Variants in TENM3 observed in about 807,000 individuals in gnomAD.
The protein encoded by TENM3 is teneurin transmembrane protein 3, also known as teneurin-3.
A neutral mutation model predicts 255.1 loss-of-function variants in TENM3; 63 were observed. The ratio of observed to expected loss-of-function variants is 0.25; its 90% confidence interval spans 0.20 to 0.30. The LOEUF is 0.30. Ranked by LOEUF, TENM3 falls within the 10% of genes least tolerant of loss-of-function variation. The probability of loss-of-function intolerance (pLI) is 1.00; values close to 1 mark genes in which losing one functional copy is unlikely to be tolerated. For missense variants in TENM3, 2,929 were observed against 3,461.1 expected (o/e 0.85, Z 3.86); for synonymous variants, 1,306 against 1,322.3 (o/e 0.99, Z 0.27).
the TENM3 span, among the ~76,000 whole-genome samples, chr4:182,077,988 GC>G: frequency 6.6e-6 from 1 of 152,082 alleles, no homozygotes; most frequent in African/African-American, 2.4e-5. Context: ...ATTACAACAA[GC>G]AAAAACTGGT....
At chr4:181,458,505 T>G in the TENM3 span, among the ~76,000 whole-genome samples, 16,020 of 151,886 alleles carry the variant, frequency 0.11, 886 homozygotes, top group Middle Eastern at 0.2. Context: ...AAACAAGAGA[T>G]GCGTGCGTAG....
the TENM3 span, among the ~76,000 whole-genome samples, chr4:181,998,049 C>T: frequency 6.6e-6 from 1 of 152,192 alleles, no homozygotes; most frequent in African/African-American, 2.4e-5. Flanking sequence ...CACAACAGTT[C>T]TGTGTGCGAT....
intron 12 of TENM3, among the ~76,000 whole-genome samples, chr4:182,692,954 T>G (rs1757119553): frequency 6.6e-6 from 1 of 152,166 alleles, no homozygotes; most frequent in South Asian, 2.1e-4. Context: ...TTCTAGGATT[T>G]TTTCGCTGTT....
chr4:182,378,483 A>G (rs961638854), intron 3 of TENM3, among the ~76,000 whole-genome samples: 2 of 152,210 alleles, frequency 1.3e-5, no homozygotes, highest in Non-Finnish European at 2.9e-5. Context: ...ATCTCTGAAA[A>G]AGTGACAGGT....
the TENM3 span, among the ~76,000 whole-genome samples, chr4:181,577,058 T>C: frequency 8.6e-6 from 1 of 116,654 alleles, no homozygotes; most frequent in Admixed American, 1.1e-4. Context: ...AATAATAAAT[T>C]ATATATTATA....
chr4:182,033,000 A>T, the TENM3 span, among the ~76,000 whole-genome samples: 3 of 123,564 alleles, frequency 2.4e-5, no homozygotes, highest in African/African-American at 2.5e-5. Context: ...AAAGTCCAGG[A>T]TTTGTTGATT....
the TENM3 span, among the ~76,000 whole-genome samples, chr4:181,534,113 G>A: frequency 2.6e-5 from 4 of 151,954 alleles, no homozygotes; most frequent in Admixed American, 6.6e-5. Flanking sequence ...ATTCAAGGCC[G>A]GGTGCAGTGG....
At chr4:182,751,767 C>G in intron 19 of TENM3, 33 bp from the exon 20 acceptor site, 1 of 1,495,632 alleles carries the variant, frequency 6.7e-7, no homozygotes. Flanking sequence ...AGGAGTAACT[C>G]CCTTTGATGT....
the TENM3 span, among the ~76,000 whole-genome samples, chr4:181,449,445 G>A: frequency 2.0e-5 from 3 of 152,124 alleles, no homozygotes; most frequent in African/African-American, 7.2e-5. Flanking sequence ...GAGTATTATA[G>A]GAAACTATAT....
At chr4:182,301,055 T>A (rs1761821382) in intron 1 of TENM3, among the ~76,000 whole-genome samples, 1 of 152,222 alleles carries the variant, frequency 6.6e-6, no homozygotes. Flanking sequence ...GAAAGAAGAA[T>A]GAAGAGGACT....
the TENM3 span, among the ~76,000 whole-genome samples, chr4:181,947,383 C>G: frequency 1.3e-5 from 2 of 152,104 alleles, no homozygotes. Context: ...TTTTATGATT[C>G]ACAAGCTAGA....
At chr4:182,573,732 G>T (rs557402593) in intron 3 of TENM3, among the ~76,000 whole-genome samples, 3 of 152,144 alleles carry the variant, frequency 2.0e-5, no homozygotes, top group Non-Finnish European at 4.4e-5. Context: ...TATCAGAATT[G>T]AATTGTGCGA....
intron 1 of TENM3, among the ~76,000 whole-genome samples, chr4:182,212,115 TGAAGA>T (rs1755084972): frequency 6.6e-6 from 1 of 152,240 alleles, no homozygotes; most frequent in Non-Finnish European, 1.5e-5. Flanking sequence ...CCATGGTTTA[TGAAGA>T]GAAGAGTAAA....
At chr4:181,919,930 G>C in the TENM3 span, among the ~76,000 whole-genome samples, 1 of 125,080 alleles carries the variant, frequency 8.0e-6, no homozygotes, top group Non-Finnish European at 1.6e-5. Context: ...TCCCCTTCCT[G>C]TGTCCATGTG....
At chr4:182,333,052 TG>T (rs1763883890) in intron 2 of TENM3, among the ~76,000 whole-genome samples, 1 of 152,142 alleles carries the variant, frequency 6.6e-6, no homozygotes, top group Non-Finnish European at 1.5e-5. Context: ...TCAGACAAGA[TG>T]AGAAAGGTGA....
chr4:181,993,359 TA>T, the TENM3 span, among the ~76,000 whole-genome samples: 4 of 152,178 alleles, frequency 2.6e-5, no homozygotes, highest in South Asian at 8.3e-4. Flanking sequence ...CTTACCCACT[TA>T]AAAAGCATCA....
intron 1 of TENM3, chr4:182,145,064 G>A (rs936644547): frequency 3.3e-5 from 5 of 152,192 alleles, no homozygotes; most frequent in African/African-American, 1.2e-4. Context: ...GCAGTCCGGA[G>A]GCTGGGCGCC....
chr4:182,101,080 G>A, the TENM3 span, among the ~76,000 whole-genome samples: 1 of 3,698 alleles, frequency 2.7e-4, no homozygotes, highest in Non-Finnish European at 5.3e-4. Context: ...GAAAGGAAGG[G>A]AGGGAGGGAG....
intron 3 of TENM3, among the ~76,000 whole-genome samples, chr4:182,517,470 G>A (rs981177259): frequency 6.6e-5 from 8 of 121,950 alleles, no homozygotes; most frequent in Admixed American, 2.7e-4. Context: ...TGCAAGCTCC[G>A]CCTCCCGGGT....
Sources: gnomAD v4.1 joint callset for allele counts (sites outside exome capture counted in the v4.1 genomes callset) on GRCh38, gnomAD v4.1.1 for gene constraint, MANE v1.5 for transcripts, NCBI Gene and HGNC (gene_info 2026-07-23, HGNC 2026-07-21) for gene names.